GRHL2: variants seen among roughly 807,000 people sequenced by gnomAD.
The protein encoded by GRHL2 is grainyhead-like protein 2 homolog.
In GRHL2, 21 loss-of-function variants were observed where a neutral mutation model predicts 83.8. The ratio of observed to expected loss-of-function variants is 0.25; its 90% CI spans 0.18 to 0.36. GRHL2 has a LOEUF of 0.36. Among genes scored for constraint, GRHL2 ranks in the 10% least tolerant of loss-of-function variants. The pLI is 1.00. For missense variants in GRHL2, 623 were observed against 781.8 expected, an observed-to-expected ratio of 0.80 and a Z score of 2.42; for synonymous variants, 280 against 278.9, an observed-to-expected ratio of 1.00 and a Z score of -0.04.
intron 1 of GRHL2, chr8:101,542,694 T>A (rs1016053216): frequency 3.3e-5 from 15 of 455,316 alleles, no homozygotes; most frequent in Non-Finnish European, 4.4e-6. Flanking sequence ...TGGGTAGAAA[T>A]TTATTGGCTC....
At position 101,588,471 on chromosome 8, in the gene GRHL2, T is replaced by C. The variant is rs116302097; in HGVS notation, c.1004-10586T>C. ...TCATTCCTGCAACAAACTAGAATAG[T>C]GCATGAGCCACTTCCCAGTGGCTCC... On this transcript the variant is annotated intron_variant, in intron 7 of 15. Transcript: ENST00000646743. Among the ~76,000 whole-genome samples the C allele has an allele frequency of 6.3e-3, 962 of 152,300 alleles. 7 individuals carry two copies. Among genetic ancestry groups the C allele is most frequent in the African/African-American group, 0.022 (909 of 41,550 alleles).
In GRHL2 at chr8:101,492,450, C is replaced by T. The variant is rs1385830731; in HGVS notation, c.-320C>T. 6 of 504,010 alleles carry T rather than the reference C, an allele frequency of 1.2e-5. No individual in the cohort carries two copies. Among genetic ancestry groups the T allele is most frequent in the Non-Finnish European group, 2.2e-5 (6 of 277,170 alleles). 31.2% of individuals were successfully genotyped at this position (504,010 alleles called of 1,614,324 possible). ...ATTCAGCTCCTTGCGAGAAAGTTAC[C>T]TGTGGCCGCCCAAGTCCGCCACTTT... On this transcript the variant is annotated 5_prime_UTR_variant, in exon 1 of 16. Transcript: ENST00000646743.
At chr8:101,672,064 C>A (rs576183211), downstream of GRHL2, among the ~76,000 whole-genome samples, 3 of 151,734 alleles carry the variant, frequency 2.0e-5, no homozygotes, top group Non-Finnish European at 4.4e-5. Context: ...ACGTCACCAT[C>A]ATCAAAGACC....
At chr8:101,507,464 A>T (rs1810363419) in intron 1 of GRHL2, among the ~76,000 whole-genome samples, 1 of 152,142 alleles carries the variant, frequency 6.6e-6, no homozygotes, top group African/African-American at 2.4e-5. Flanking sequence ...AGAAAATAAC[A>T]CTTTTCTACC....
At chr8:101,543,700 T>C (rs1235883972) in intron 2 of GRHL2, 7 of 479,544 alleles carry the variant, frequency 1.5e-5, no homozygotes, top group African/African-American at 1.4e-4. Context: ...TATTTGCATA[T>C]TATTCTTACC....
chr8:101,675,431 C>T, the GRHL2 span, among the ~76,000 whole-genome samples: 1 of 151,868 alleles, frequency 6.6e-6, no homozygotes, highest in Non-Finnish European at 1.5e-5. Flanking sequence ...AAACACAGAG[C>T]CAAATCATGA....
intron 1 of GRHL2, chr8:101,529,098 G>T: frequency 2.6e-6 from 1 of 381,800 alleles, no homozygotes; most frequent in South Asian, 2.1e-5. Flanking sequence ...GGATTTCTAT[G>T]GGGCTTTGTT....
At chr8:101,513,869 G>A (rs979009369) in intron 1 of GRHL2, among the ~76,000 whole-genome samples, 10 of 152,026 alleles carry the variant, frequency 6.6e-5, no homozygotes, top group Non-Finnish European at 1.2e-4. Context: ...TTTATTATGC[G>A]CTGCAACAAT....
chr8:101,664,223 C>T (rs942850074), intron 14 of GRHL2, among the ~76,000 whole-genome samples: 10 of 152,294 alleles, frequency 6.6e-5, no homozygotes, highest in Admixed American at 1.3e-4. Context: ...TGACCTGGAA[C>T]GCTACTTTTA....
At chr8:101,512,876 G>T (rs184058026) in intron 1 of GRHL2, among the ~76,000 whole-genome samples, 2 of 152,102 alleles carry the variant, frequency 1.3e-5, no homozygotes, top group African/African-American at 4.8e-5. Flanking sequence ...TCACCGTTTC[G>T]TAGGCTAAAG....
At chr8:101,511,545 G>A (rs767744935) in intron 1 of GRHL2, among the ~76,000 whole-genome samples, 104 of 152,184 alleles carry the variant, frequency 6.8e-4, no homozygotes, top group Non-Finnish European at 1.0e-3. Context: ...ATGGGGTTTT[G>A]CCATGTTGGC....
downstream of GRHL2, among the ~76,000 whole-genome samples, chr8:101,672,785 G>A (rs1358113796): frequency 2.6e-5 from 4 of 151,482 alleles, no homozygotes; most frequent in East Asian, 1.9e-4. Context: ...AGGAAAAAAT[G>A]TTAAGGGCAG....
chr8:101,653,027 G>A (rs1333986367), intron 14 of GRHL2, among the ~76,000 whole-genome samples: 2 of 152,308 alleles, frequency 1.3e-5, no homozygotes, highest in African/African-American at 4.8e-5. Context: ...ACAGCATGGG[G>A]CTGTGGAAAT....
intron 13 of GRHL2, among the ~76,000 whole-genome samples, chr8:101,648,599 A>C (rs1892753): frequency 0.36 from 54,410 of 151,936 alleles, 11,510 homozygotes; most frequent in African/African-American, 0.58. Context: ...GTTTAAATGA[A>C]CAAGGCCCAC....
chr8:101,537,013 A>G (rs1386743259), intron 1 of GRHL2, among the ~76,000 whole-genome samples: 10 of 151,936 alleles, frequency 6.6e-5, no homozygotes, highest in Non-Finnish European at 4.4e-5. Flanking sequence ...CCCACTTATA[A>G]GTGAGAACAT....
chr8:101,502,697 CT>C (rs1810254105), intron 1 of GRHL2, among the ~76,000 whole-genome samples: 1 of 152,032 alleles, frequency 6.6e-6, no homozygotes, highest in African/African-American at 2.4e-5. Context: ...ATTTAGTAAG[CT>C]GAAAACCTTA....
At chr8:101,633,879 C>T (rs890900181) in intron 11 of GRHL2, among the ~76,000 whole-genome samples, 2 of 152,146 alleles carry the variant, frequency 1.3e-5, no homozygotes, top group Admixed American at 6.6e-5. Context: ...TGTCATAACT[C>T]TGGCCTCAGT....
chr8:101,506,979 G>A (rs1024464034), intron 1 of GRHL2, among the ~76,000 whole-genome samples: 1 of 152,124 alleles, frequency 6.6e-6, no homozygotes, highest in Non-Finnish European at 1.5e-5. Context: ...TGGAGGAGAG[G>A]GAACTTGGCT....
chr8:101,527,372 A>C (rs1159407164), intron 1 of GRHL2, among the ~76,000 whole-genome samples: 2 of 152,254 alleles, frequency 1.3e-5, no homozygotes, highest in East Asian at 3.9e-4. Context: ...ATTACATAAA[A>C]AATTTTTTTG....
Sources: gnomAD v4.1 joint callset for allele counts (sites outside exome capture counted in the v4.1 genomes callset) on GRCh38, gnomAD v4.1.1 for gene constraint, MANE v1.5 for transcripts, NCBI Gene and HGNC (gene_info 2026-07-23, HGNC 2026-07-21) for gene names.